PLEKHD1: variants seen among roughly 807,000 people sequenced by gnomAD.
PLEKHD1 encodes pleckstrin homology and coiled-coil domain containing D1, also known as pleckstrin homology domain-containing family D member 1.
Under a neutral mutation model 69.2 loss-of-function variants are expected in PLEKHD1, and 51 were observed. That is an observed-to-expected ratio of 0.74 (90% CI 0.59 to 0.93). The LOEUF (loss-of-function observed/expected upper bound fraction) is 0.93, where lower values mean the gene tolerates loss of function less well. Among genes scored for constraint, PLEKHD1 ranks in the 40% least tolerant of loss-of-function variants. PLEKHD1 has a pLI of 0.00. For missense variants in PLEKHD1, 584 were observed against 641.0 expected, an observed-to-expected ratio of 0.91 and a Z score of 0.96; for synonymous variants, 236 against 244.7, an observed-to-expected ratio of 0.96 and a Z score of 0.33.
chr14:69,484,812 C>A lies in PLEKHD1; in HGVS notation c.-154C>A. 1 of 875,602 alleles carries A rather than the reference C, an allele frequency of 1.1e-6. No individual in the cohort carries two copies. Among genetic ancestry groups the A allele is most frequent in the Non-Finnish European group, 1.7e-6 (1 of 591,258 alleles). 54.2% of individuals were successfully genotyped at this position (875,602 alleles called of 1,614,324 possible). ...CCCCCTTGGTGCCGCGTCCAGTGCC[C>A]AGCGCGCTTTGATGCTGCAGCTCCG... is the stretch of plus-strand genomic sequence containing the variant. On this transcript the variant is annotated 5_prime_UTR_variant, in exon 1 of 13. Transcript: ENST00000322564.
At chr14:69,524,681 A>T (rs1240843237) in intron 8 of PLEKHD1, among the ~76,000 whole-genome samples, 1 of 152,168 alleles carries the variant, frequency 6.6e-6, no homozygotes, top group Non-Finnish European at 1.5e-5. Flanking sequence ...TTGTTCGCTT[A>T]GCTGCTCCTG....
chr14:69,495,698 G>A (rs902324997), intron 1 of PLEKHD1, among the ~76,000 whole-genome samples: 2 of 152,192 alleles, frequency 1.3e-5, no homozygotes, highest in African/African-American at 4.8e-5. Context: ...CGAGAGCTAG[G>A]CACACTTCCT....
Position 69,485,038 on chromosome 14 carries a change from A to G in PLEKHD1, c.73A>G (p.Ile25Val). The change falls in exon 1 of 13, where the codon ATC becomes GTC. Residue 25 changes from isoleucine to valine, a missense_variant. Coordinates refer to ENST00000322564, the MANE Select transcript of PLEKHD1 (RefSeq NM_001161498.2). ...LEQADSDALD[I>V]STKVQLYGVL... ...GCAGGCTGACTCGGACGCCCTGGATATCAGCACCAAAGTGCAGCTCTACGG... is the reference window on the plus strand; with the variant it reads ...GCAGGCTGACTCGGACGCCCTGGATGTCAGCACCAAAGTGCAGCTCTACGG... 2 of 1,551,354 alleles carry G rather than the reference A, an allele frequency of 1.3e-6. No homozygotes were observed. Among genetic ancestry groups the G allele is most frequent in the South Asian group, 2.4e-5 (2 of 84,054 alleles).
chr14:69,506,891 C>CTTTTTTTTTTTTTTTT lies in PLEKHD1; in HGVS notation c.555+4025_555+4040dup, dbSNP rs1162412450. 7.2e-4 allele frequency among the ~76,000 whole-genome samples: 56 copies of CTTTTTTTTTTTTTTTT among 78,066 alleles called. 4 individuals are homozygous for CTTTTTTTTTTTTTTTT. The highest frequency in any genetic ancestry group is 1.1e-3 in the African/African-American group (20 of 17,436). The allele number at this position is 78,066 out of a possible 152,430, so 51.2% of individuals were successfully genotyped here. A position where few individuals can be genotyped will look rare whatever the true frequency, so the allele number is the denominator to read the frequency against. On this transcript the variant is annotated intron_variant, in intron 6 of 12. Transcript: ENST00000322564. ...ACTGTCCTAAAAATCCTGGCAACTG[C>CTTTTTTTTTTTTTTTT]TTTTTTTTTTTTTTTTTTTTTTTTT...
intron 8 of PLEKHD1, 26 bp from the exon 9 acceptor site, chr14:69,525,918 C>T: frequency 6.5e-7 from 1 of 1,538,870 alleles, no homozygotes; most frequent in Non-Finnish European, 8.8e-7. Flanking sequence ...TTGGGCTTTT[C>T]TTTTCCTTGC....
intron 10 of PLEKHD1, among the ~76,000 whole-genome samples, 173 bp from the exon 11 acceptor site, chr14:69,527,015 G>C (rs1478024344): frequency 6.6e-6 from 1 of 152,200 alleles, no homozygotes; most frequent in African/African-American, 2.4e-5. Context: ...ACACCTGCTG[G>C]GTGCAGGTGC....
intron 6 of PLEKHD1, among the ~76,000 whole-genome samples, chr14:69,507,628 C>A (rs1366244849): frequency 6.6e-6 from 1 of 152,220 alleles, no homozygotes; most frequent in Non-Finnish European, 1.5e-5. Context: ...TTTGCAGTAG[C>A]AATGAATGAG....
chr14:69,512,859 T>C (rs1883299624), intron 6 of PLEKHD1, among the ~76,000 whole-genome samples: 2 of 150,060 alleles, frequency 1.3e-5, no homozygotes, highest in Non-Finnish European at 1.5e-5. Context: ...GCCAGGAGTT[T>C]GTGGCAAGCC....
intron 11 of PLEKHD1, 142 bp from the exon 12 acceptor site, chr14:69,527,641 C>T: frequency 3.5e-6 from 4 of 1,138,488 alleles, no homozygotes; most frequent in Non-Finnish European, 4.9e-6. Flanking sequence ...AGAAAGTCCC[C>T]TTCAGCAGGT....
At chr14:69,479,245 A>G in the PLEKHD1 span, among the ~76,000 whole-genome samples, 9 of 152,112 alleles carry the variant, frequency 5.9e-5, no homozygotes, top group Non-Finnish European at 8.8e-5. Context: ...ACTACCTCCC[A>G]CTAGTACTCT....
intron 6 of PLEKHD1, among the ~76,000 whole-genome samples, chr14:69,516,924 G>A (rs1332466067): frequency 6.6e-6 from 1 of 152,166 alleles, no homozygotes; most frequent in Non-Finnish European, 1.5e-5. Context: ...GCCTGTCTTG[G>A]CCTCCCAAAG....
chr14:69,510,998 T>A (rs190118072), intron 6 of PLEKHD1, among the ~76,000 whole-genome samples: 1 of 152,248 alleles, frequency 6.6e-6, no homozygotes, highest in East Asian at 1.9e-4. Flanking sequence ...GCTTTTTCCA[T>A]GTGATTCTTT....
In PLEKHD1 at chr14:69,527,827, A is replaced by T; in HGVS notation, c.1246A>T (p.Met416Leu). The T allele has an allele frequency of 6.4e-7, 1 of 1,551,460 alleles. No individual in the cohort carries two copies. Among genetic ancestry groups the T allele is most frequent in the Non-Finnish European group, 8.7e-7 (1 of 1,146,990 alleles). Residue 416 changes from methionine to leucine, a missense_variant, in exon 12 of 13, where the codon ATG becomes TTG. Met to Leu is a conservative substitution (Grantham distance 15). Transcript: ENST00000322564. ...CIRNAELEAK[M>L]PVIMKNSVYI... ...CCGGAATGCCGAGCTGGAGGCCAAG[A>T]TGCCTGTGATCATGAAGAACTCCGT...
In PLEKHD1 at chr14:69,484,765, G is replaced by A. The variant is rs1882614152; in HGVS notation, c.-201G>A. 2 of 587,352 alleles carry A rather than the reference G, an allele frequency of 3.4e-6. No individual in the cohort carries two copies. The highest frequency in any genetic ancestry group is 5.7e-6 in the Non-Finnish European group (2 of 349,990). The allele number at this position is 587,352 out of a possible 1,614,324, so 36.4% of individuals were successfully genotyped here. On this transcript the variant is annotated 5_prime_UTR_variant, in exon 1 of 13. Transcript: ENST00000322564. ...CGGCCCTCTGCAATCCGGAGCCCAAGCCGCCGGCTACGCGCCCTGCGCCCC... is the reference window on the plus strand; with the variant it reads ...CGGCCCTCTGCAATCCGGAGCCCAAACCGCCGGCTACGCGCCCTGCGCCCC...
the PLEKHD1 span, among the ~76,000 whole-genome samples, chr14:69,469,494 AG>A: frequency 6.6e-6 from 1 of 151,430 alleles, no homozygotes; most frequent in Non-Finnish European, 1.5e-5. Flanking sequence ...ACTGCAGCCT[AG>A]AACTCTTGGG....
intron 1 of PLEKHD1, among the ~76,000 whole-genome samples, chr14:69,489,559 A>AAAG (rs1491157939): frequency 4.4e-5 from 1 of 22,576 alleles, no homozygotes; most frequent in African/African-American, 1.7e-4. Flanking sequence ...ACTCCATCTC[A>AAAG]AAAAAAAAAA....
chr14:69,481,032 A>T (rs980950617), upstream of PLEKHD1, among the ~76,000 whole-genome samples: 15 of 152,234 alleles, frequency 9.9e-5, no homozygotes, highest in African/African-American at 3.6e-4. Flanking sequence ...TAAAATGGCC[A>T]TGCTAATATT....
chr14:69,485,342 G>T (rs907272847), intron 1 of PLEKHD1, among the ~76,000 whole-genome samples: 34 of 152,374 alleles, frequency 2.2e-4, no homozygotes, highest in African/African-American at 7.9e-4. Flanking sequence ...TCTATGGAAT[G>T]AACCTGACCC....
intron 1 of PLEKHD1, among the ~76,000 whole-genome samples, chr14:69,496,101 T>C (rs1594976549): frequency 1.3e-5 from 2 of 152,280 alleles, no homozygotes; most frequent in African/African-American, 4.8e-5. Context: ...CCGCATTTTA[T>C]AGAGGAAGAA....
Sources: allele counts gnomAD v4.1 joint callset (sites outside exome capture counted in the v4.1 genomes callset), GRCh38; gene constraint gnomAD v4.1.1; transcripts MANE v1.5; gene names NCBI Gene and HGNC (gene_info 2026-07-23, HGNC 2026-07-21).